RPTOR: variants seen among roughly 807,000 people sequenced by gnomAD.
The protein encoded by RPTOR is regulatory associated protein of MTOR complex 1.
RPTOR carries 21 observed loss-of-function variants against 169.9 expected under a neutral mutation model. The ratio of observed to expected loss-of-function variants is 0.12; its 90% CI spans 0.09 to 0.18. The LOEUF (loss-of-function observed/expected upper bound fraction) is 0.18. RPTOR is among the 10% of genes least tolerant of loss of function. The pLI is 1.00. For missense variants in RPTOR, 1,133 were observed against 1,855.9 expected (o/e 0.61, Z 7.16); for synonymous variants, 732 against 753.2 (o/e 0.97, Z 0.46).
At chr17:80,640,998 A>C (rs1176038180) in intron 2 of RPTOR, among the ~76,000 whole-genome samples, 2 of 152,178 alleles carry the variant, frequency 1.3e-5, no homozygotes. Context: ...GCTCCTCCTC[A>C]TGCATGCGGC....
intron 7 of RPTOR, among the ~76,000 whole-genome samples, chr17:80,792,484 C>T (rs183488639): frequency 9.7e-4 from 148 of 152,240 alleles, no homozygotes; most frequent in African/African-American, 3.4e-3. Context: ...GTGTGGCCAA[C>T]AGGAAGGCCG....
At chr17:80,647,941 T>C (rs1179705919) in intron 3 of RPTOR, among the ~76,000 whole-genome samples, 1 of 152,176 alleles carries the variant, frequency 6.6e-6, no homozygotes, top group Non-Finnish European at 1.5e-5. Context: ...ATTTTGAATG[T>C]CAGCTTCCCT....
chr17:80,880,833 C>T (rs2068179029), intron 14 of RPTOR, among the ~76,000 whole-genome samples: 1 of 152,122 alleles, frequency 6.6e-6, no homozygotes, highest in African/African-American at 2.4e-5. Context: ...TAGTGAGCGC[C>T]GCACGTCTGT....
At chr17:80,716,145 T>A (rs940118981) in intron 4 of RPTOR, among the ~76,000 whole-genome samples, 3 of 152,246 alleles carry the variant, frequency 2.0e-5, no homozygotes, top group African/African-American at 7.2e-5. Flanking sequence ...ATCTCCACAC[T>A]GTTTTCCATA....
intron 33 of RPTOR, among the ~76,000 whole-genome samples, chr17:80,963,987 G>A (rs900570749): frequency 2.6e-5 from 4 of 152,154 alleles, no homozygotes; most frequent in South Asian, 2.1e-4. Flanking sequence ...CTGCTGACAC[G>A]TGTGACATTG....
Position 80,709,967 on chromosome 17 carries a change from A to T in RPTOR, c.507+1968A>T, listed in dbSNP as rs186781344. 2.0e-5 allele frequency among the ~76,000 whole-genome samples: 3 copies of T among 150,736 alleles called. No individual in the cohort carries two copies. The East Asian group carries it at 5.9e-4, about 29-fold the overall frequency. On this transcript the variant is annotated intron_variant, in intron 4 of 33. Coordinates refer to ENST00000306801, the MANE Select transcript of RPTOR (RefSeq NM_020761.3). ...TTTTCTTCATCTTCTTACACTCCTG[A>T]TAACTTACAAAACTTTTTTTTTTTT...
Position 80,966,264 on chromosome 17 carries a change from CTATT to C in RPTOR, c.*1940_*1943del, listed in dbSNP as rs1429261785. 1 of 232,728 alleles carries C rather than the reference CTATT, an allele frequency of 4.3e-6. No individual in the cohort carries two copies. The highest frequency in any genetic ancestry group is 8.5e-6 in the Non-Finnish European group (1 of 117,782). The allele number at this position is 232,728 out of a possible 1,614,324, so 14.4% of individuals were successfully genotyped here. ...GAGCGCCGGCCTAGAGGCTCATTAT[CTATT>C]TATTTTACCAAACGCGAATTGAGAC... On this transcript the variant is annotated 3_prime_UTR_variant, in exon 34 of 34. Coordinates refer to ENST00000306801, the MANE Select transcript of RPTOR (RefSeq NM_020761.3).
At chr17:80,717,526 G>T (rs1364266087) in intron 4 of RPTOR, among the ~76,000 whole-genome samples, 2 of 152,130 alleles carry the variant, frequency 1.3e-5, no homozygotes, top group Non-Finnish European at 2.9e-5. Flanking sequence ...CACGTGGCAT[G>T]CCACCGGAGA....
rs141491286 is a variant in RPTOR, at chr17:80,626,839, C to G, written c.265+1046C>G. ...TTCATTCTAGGAATTATTAAGTGTA[C>G]AATTGAACGACATGAAATAATTCAT... On this transcript the variant is annotated intron_variant, in intron 2 of 33. Transcript: ENST00000306801. Among the ~76,000 whole-genome samples, 69 of 148,754 alleles carry G rather than the reference C, an allele frequency of 4.6e-4. 1 individual carries two copies.
chr17:80,823,767 G>A lies in RPTOR; in HGVS notation c.1136+544G>A, dbSNP rs2067409359. ...ACTATTTATACAACTCCTATTAGTA[G>A]TAACAGTGACAATAATGTGATTTGT... is the stretch of plus-strand genomic sequence containing the variant. On this transcript the variant is annotated intron_variant, in intron 9 of 33. Transcript: ENST00000306801. This position sits in a 1 kb window ranked among gnomAD's most constrained non-coding sequence, Gnocchi z 4.5. 6.6e-6 allele frequency: 1 copy of A among 152,574 alleles called. No homozygotes were observed. Among genetic ancestry groups the A allele is most frequent in the Admixed American group, 6.5e-5 (1 of 15,328 alleles). 9.5% of individuals were successfully genotyped at this position (152,574 alleles called of 1,614,324 possible).
chr17:80,730,060 G>A lies in RPTOR; in HGVS notation c.508-500G>A, dbSNP rs1567879359. Among the ~76,000 whole-genome samples the A allele has an allele frequency of 3.3e-5, 5 of 152,360 alleles. No individual in the cohort carries two copies. The highest frequency in any genetic ancestry group is 2.1e-4 in the South Asian group (1 of 4,832). On this transcript the variant is annotated intron_variant, in intron 4 of 33. Transcript: ENST00000306801. This position sits in a 1 kb window ranked among gnomAD's most constrained non-coding sequence, Gnocchi z 4.2. ...ACTTTGGCAGCCACCTGGTGTGGGC[G>A]CTACTGGAGTAAAGCAGCATCAGAG...
intron 1 of RPTOR, among the ~76,000 whole-genome samples, chr17:80,624,174 C>T (rs552683216): frequency 3.4e-4 from 52 of 152,218 alleles, no homozygotes; most frequent in African/African-American, 1.2e-3. Flanking sequence ...AACACCAGGT[C>T]TTAGGAATAA....
At chr17:80,672,819 A>C (rs571893558) in intron 3 of RPTOR, among the ~76,000 whole-genome samples, 1 of 152,004 alleles carries the variant, frequency 6.6e-6, no homozygotes, top group African/African-American at 2.4e-5. Context: ...TTCTCAACAT[A>C]AGGTCTAACA....
intron 1 of RPTOR, among the ~76,000 whole-genome samples, chr17:80,561,103 C>T (rs917996382): frequency 1.3e-4 from 20 of 152,120 alleles, no homozygotes; most frequent in Admixed American, 7.2e-4. Flanking sequence ...TGGAGTCTCA[C>T]TCTGTCACCC....
At chr17:80,940,654 G>A (rs1225949655) in intron 25 of RPTOR, 53 bp downstream of exon 25, 9 of 1,461,036 alleles carry the variant, frequency 6.2e-6, no homozygotes, top group Non-Finnish European at 8.4e-6. Context: ...TGGGGCCTGG[G>A]GCGAGGGTCC....
intron 8 of RPTOR, among the ~76,000 whole-genome samples, chr17:80,822,849 G>A (rs2067396290): frequency 6.6e-6 from 1 of 152,056 alleles, no homozygotes; most frequent in African/African-American, 2.4e-5. Flanking sequence ...GTACACACCT[G>A]TGCACACACA....
intron 20 of RPTOR, among the ~76,000 whole-genome samples, chr17:80,905,551 G>A (rs564882206): frequency 6.6e-6 from 1 of 151,256 alleles, no homozygotes; most frequent in African/African-American, 2.4e-5. Flanking sequence ...AGCCGGGATC[G>A]CGCTGCTGCA....
chr17:80,901,840 C>G (rs560585734), intron 20 of RPTOR, among the ~76,000 whole-genome samples: 1 of 152,148 alleles, frequency 6.6e-6, no homozygotes, highest in South Asian at 2.1e-4. Flanking sequence ...CTCTGCCTTC[C>G]CCAGAGCACT....
intron 3 of RPTOR, among the ~76,000 whole-genome samples, chr17:80,660,797 C>T (rs2065717145): frequency 6.6e-6 from 1 of 152,134 alleles, no homozygotes; most frequent in Non-Finnish European, 1.5e-5. Flanking sequence ...GCAGGCAGCC[C>T]CTTGGTCCCC....
Sources: allele counts gnomAD v4.1 joint callset (sites outside exome capture counted in the v4.1 genomes callset), GRCh38; gene constraint gnomAD v4.1.1; non-coding constraint Gnocchi (gnomAD v3.1); transcripts MANE v1.5; gene names NCBI Gene and HGNC (gene_info 2026-07-23, HGNC 2026-07-21).